Variants in TRA2A observed in about 807,000 individuals in gnomAD.
TRA2A encodes the protein transformer 2 alpha homolog, also known as transformer-2 protein homolog alpha.
Under a neutral mutation model 45.7 loss-of-function variants are expected in TRA2A, and 31 were observed. The observed-to-expected ratio is 0.68, with a 90% CI of 0.51 to 0.92. The LOEUF is 0.92. TRA2A is among the 40% of genes least tolerant of loss of function. TRA2A has a pLI of 0.00. For missense variants in TRA2A, 304 were observed against 367.5 expected (o/e 0.83, Z 1.41); for synonymous variants, 132 against 126.2 (o/e 1.05, Z -0.31).
intron 4 of TRA2A, among the ~76,000 whole-genome samples, chr7:23,508,219 T>C (rs1379641583): frequency 2.7e-5 from 4 of 150,060 alleles, no homozygotes; most frequent in African/African-American, 9.8e-5. Context: ...AACTACACAA[T>C]TTTTATGTAT....
chr7:23,519,643 T>C (rs1323365086), intron 2 of TRA2A, among the ~76,000 whole-genome samples: 2 of 152,168 alleles, frequency 1.3e-5, no homozygotes, highest in Non-Finnish European at 2.9e-5. Flanking sequence ...CTAACTGTCC[T>C]CAGTAATTCC....
intron 4 of TRA2A, among the ~76,000 whole-genome samples, chr7:23,511,370 C>CAAAAAAAAAAAAAAAA (rs567187750): frequency 1.5e-4 from 6 of 40,130 alleles, no homozygotes; most frequent in Non-Finnish European, 1.9e-4. Context: ...GACTCCATCT[C>CAAAAAAAAAAAAAAAA]AAAAAAAAAA....
intron 1 of TRA2A, chr7:23,531,502 G>A (rs546568977): frequency 5.7e-6 from 3 of 522,650 alleles, no homozygotes; most frequent in Middle Eastern, 1.0e-3. Context: ...ACATAAGGAA[G>A]CCTCAGGGGT....
intron 6 of TRA2A, 47 bp downstream of exon 6, chr7:23,506,091 A>G (rs774697651): frequency 7.3e-6 from 11 of 1,504,378 alleles, no homozygotes; most frequent in Admixed American, 3.8e-5. Flanking sequence ...GCCAAGTAAC[A>G]CTACTATCAT....
chr7:23,531,490 A>T, intron 1 of TRA2A: 3 of 469,444 alleles, frequency 6.4e-6, no homozygotes, highest in Non-Finnish European at 1.1e-5. Context: ...ACCTCGGAGC[A>T]GACATAAGGA....
chr7:23,519,407 C>A (rs1030246789), intron 2 of TRA2A, among the ~76,000 whole-genome samples: 1 of 151,962 alleles, frequency 6.6e-6, no homozygotes, highest in African/African-American at 2.4e-5. Flanking sequence ...ATGACCCACC[C>A]TTAACTAAAC....
At chr7:23,505,608 A>AAAAAAAAAAC in intron 7 of TRA2A, 39 bp from the exon 8 acceptor site, 1 of 591,344 alleles carries the variant, frequency 1.7e-6, no homozygotes, top group Non-Finnish European at 3.0e-6. Context: ...AAAAAAAAAA[A>AAAAAAAAAAC]GTTAACAATT....
rs980629433 is a variant in TRA2A, at chr7:23,531,896, G to C, written c.-72C>G. The C allele has an allele frequency of 1.9e-6, 3 of 1,538,574 alleles. No homozygotes were observed. The highest frequency in any genetic ancestry group is 1.7e-4 in the Middle Eastern group (1 of 5,948). On this transcript the variant is annotated 5_prime_UTR_variant, in exon 1 of 8. Transcript: ENST00000297071. ...CGAGGGCCGATGGCCTAATTAACCC[G>C]CTGACTGGACCGTGGGGAAGAGGAA...
chr7:23,527,249 G>A (rs1449581946), intron 1 of TRA2A, among the ~76,000 whole-genome samples: 1 of 152,092 alleles, frequency 6.6e-6, no homozygotes, highest in East Asian at 1.9e-4. Context: ...CATCTTTGGT[G>A]AAAGTCATGG....
chr7:23,508,275 T>A (rs1178472227), intron 4 of TRA2A, among the ~76,000 whole-genome samples: 3 of 101,540 alleles, frequency 3.0e-5, no homozygotes, highest in African/African-American at 3.9e-5. Flanking sequence ...TAAAGGTCAT[T>A]AAAAAAAAAA....
At chr7:23,506,409 G>T in intron 5 of TRA2A, 143 bp from the exon 6 acceptor site, 1 of 1,011,186 alleles carries the variant, frequency 9.9e-7, no homozygotes, top group Non-Finnish European at 1.4e-6. Flanking sequence ...TCATTTTACT[G>T]ACTCCCATGG....
intron 1 of TRA2A, among the ~76,000 whole-genome samples, chr7:23,525,856 A>C (rs917301920): frequency 6.6e-6 from 1 of 152,174 alleles, no homozygotes; most frequent in Non-Finnish European, 1.5e-5. Flanking sequence ...TCAGCCTCGC[A>C]AAGTGCTGGG....
At chr7:23,519,968 C>A (rs6965031) in intron 2 of TRA2A, among the ~76,000 whole-genome samples, 54,710 of 152,134 alleles carry the variant, frequency 0.36, 10,019 homozygotes, top group South Asian at 0.43. Flanking sequence ...TGGCTCACGC[C>A]TGTAATCCCA....
chr7:23,507,430 T>G lies in TRA2A; in HGVS notation c.631A>C (p.Arg211=). 1.2e-6 allele frequency: 2 copies of G among 1,613,588 alleles called. No individual in the cohort carries two copies. The highest frequency in any genetic ancestry group is 1.7e-6 in the Non-Finnish European group (2 of 1,179,504). The change falls in exon 5 of 8, where the codon AGA becomes CGA. Residue 211 remains arginine, a synonymous_variant. Transcript: ENST00000297071. Reference sequence around the variant, plus strand: ...AACTTGAACTCTTACTGAGTTGGTCTGCCCATGTAGATGCCTGGTGTTGGT... The same window carrying G: ...AACTTGAACTCTTACTGAGTTGGTCGGCCCATGTAGATGCCTGGTGTTGGT... ...HTPTPGIYMG[R]PTHSGGGGGG...
In TRA2A at chr7:23,509,943, T is replaced by C. The variant is rs552364551; in HGVS notation, c.526-2408A>G. Among the ~76,000 whole-genome samples, 482 of 152,178 alleles carry C rather than the reference T, an allele frequency of 3.2e-3. 4 individuals carry two copies. Among genetic ancestry groups the C allele is most frequent in the Non-Finnish European group, 3.0e-3 (204 of 68,014 alleles). On this transcript the variant is annotated intron_variant, in intron 4 of 7. Transcript: ENST00000297071. Reference sequence around the variant, plus strand: ...CGGGAGGCTAAGGTGGGAAGATCACTTGAGCCTGGGAGGCGGAAGTTGCAG... The same window carrying C: ...CGGGAGGCTAAGGTGGGAAGATCACCTGAGCCTGGGAGGCGGAAGTTGCAG...
chr7:23,515,687 A>G (rs1041422965), intron 3 of TRA2A, among the ~76,000 whole-genome samples: 13 of 152,100 alleles, frequency 8.5e-5, no homozygotes, highest in African/African-American at 2.9e-4. Flanking sequence ...TTGAGATTAC[A>G]GGCGTAAGCC....
At chr7:23,529,451 G>T (rs1790476605) in intron 1 of TRA2A, among the ~76,000 whole-genome samples, 1 of 152,018 alleles carries the variant, frequency 6.6e-6, no homozygotes, top group African/African-American at 2.4e-5. Flanking sequence ...GTAGAGACAG[G>T]GTTTCACCAC....
At chr7:23,506,329 C>T (rs1450681833) in intron 5 of TRA2A, 63 bp from the exon 6 acceptor site, 1 of 1,426,622 alleles carries the variant, frequency 7.0e-7, no homozygotes, top group Non-Finnish European at 9.3e-7. Context: ...CACTTTAATA[C>T]AAATTGAATG....
chr7:23,507,383 G>T, intron 5 of TRA2A, 37 bp downstream of exon 5: 6 of 1,532,574 alleles, frequency 3.9e-6, no homozygotes, highest in Non-Finnish European at 5.4e-6. Context: ...ATTTCTGGTG[G>T]ATTTCATAGT....
Sources: gnomAD v4.1 joint callset for allele counts (sites outside exome capture counted in the v4.1 genomes callset) on GRCh38, gnomAD v4.1.1 for gene constraint, MANE v1.5 for transcripts, NCBI Gene and HGNC (gene_info 2026-07-23, HGNC 2026-07-21) for gene names.